Variants in PRKAR2B observed in about 807,000 individuals in gnomAD.
PRKAR2B encodes protein kinase cAMP-dependent type II regulatory subunit beta, also known as cAMP-dependent protein kinase type II-beta regulatory subunit.
A neutral mutation model predicts 49.9 loss-of-function variants in PRKAR2B; 14 were observed. The ratio of observed to expected loss-of-function variants is 0.28; its 90% CI spans 0.19 to 0.44. The LOEUF is 0.44. Ranked by LOEUF, PRKAR2B falls within the 20% of genes least tolerant of loss-of-function variation. The probability of loss-of-function intolerance (pLI) is 1.00; values close to 1 mark genes in which losing one functional copy is unlikely to be tolerated. For missense variants in PRKAR2B, 393 were observed against 537.9 expected (o/e 0.73, Z 2.67); for synonymous variants, 196 against 197.7 (o/e 0.99, Z 0.07).
At chr7:107,088,642 C>G (rs1430027164) in intron 2 of PRKAR2B, among the ~76,000 whole-genome samples, 1 of 152,060 alleles carries the variant, frequency 6.6e-6, no homozygotes, top group East Asian at 1.9e-4. Context: ...CTCTGTTTCC[C>G]AGGCTGGAGT....
chr7:107,133,210 A>G (rs1183517265), intron 4 of PRKAR2B, among the ~76,000 whole-genome samples: 2 of 152,220 alleles, frequency 1.3e-5, no homozygotes, highest in Non-Finnish European at 2.9e-5. Context: ...TGGGGAAATT[A>G]CATTTTGATT....
intron 3 of PRKAR2B, among the ~76,000 whole-genome samples, chr7:107,122,340 A>G (rs1466809766): frequency 6.6e-6 from 1 of 152,244 alleles, no homozygotes; most frequent in Admixed American, 6.5e-5. Flanking sequence ...CTATTAATTT[A>G]TAACAACGGA....
At chr7:107,131,126 G>C (rs920177757) in intron 4 of PRKAR2B, among the ~76,000 whole-genome samples, 24 of 152,190 alleles carry the variant, frequency 1.6e-4, no homozygotes, top group Admixed American at 1.5e-3. Flanking sequence ...TTCAAGTTCA[G>C]TATTTGGTTA....
In PRKAR2B at chr7:107,137,894, A is replaced by G. The variant is rs570262327; in HGVS notation, c.481-2953A>G. On this transcript the variant is annotated intron_variant, in intron 4 of 10. Transcript: ENST00000265717. ...TTTATCTTTAGTGTTCTAAAAATAC[A>G]TTATTTCATCCTAGTGTGGGGATTT... is the stretch of plus-strand genomic sequence containing the variant. 5.9e-5 allele frequency among the ~76,000 whole-genome samples: 9 copies of G among 152,140 alleles called. No homozygotes were observed. The South Asian group carries it at 1.9e-3, about 32-fold the overall frequency.
intron 4 of PRKAR2B, among the ~76,000 whole-genome samples, chr7:107,137,430 G>A (rs1284186392): frequency 3.9e-5 from 6 of 152,138 alleles, no homozygotes; most frequent in African/African-American, 1.4e-4. Context: ...AGAGCTTTTT[G>A]GTGAATGGAT....
At position 107,044,815 on chromosome 7, in the gene PRKAR2B, G is replaced by C; in HGVS notation, c.-93G>C. On this transcript the variant is annotated 5_prime_UTR_variant, in exon 1 of 11. Transcript: ENST00000265717. ...CGCTCGCAGCCGGTAGCGCGCCAGCGCCGTAGGCGCTCGCTCGGCAGCCGC... is the reference window on the plus strand; with the variant it reads ...CGCTCGCAGCCGGTAGCGCGCCAGCCCCGTAGGCGCTCGCTCGGCAGCCGC... The C allele has an allele frequency of 1.9e-6, 2 of 1,062,504 alleles. No individual in the cohort carries two copies. Among genetic ancestry groups the C allele is most frequent in the Non-Finnish European group, 2.4e-6 (2 of 830,664 alleles). 65.8% of individuals were successfully genotyped at this position (1,062,504 alleles called of 1,614,324 possible).
intron 4 of PRKAR2B, among the ~76,000 whole-genome samples, chr7:107,138,624 T>G (rs1795741417): frequency 6.6e-6 from 1 of 151,710 alleles, no homozygotes; most frequent in Admixed American, 6.6e-5. Context: ...CATGGCTCAC[T>G]GCAGCCTCAA....
chr7:107,101,875 C>CTTTTTTTTTTTTTTTTT (rs10589473), intron 2 of PRKAR2B, among the ~76,000 whole-genome samples: 32 of 94,220 alleles, frequency 3.4e-4, no homozygotes, highest in Non-Finnish European at 4.2e-4. Context: ...AGCCCTGATC[C>CTTTTTTTTTTTTTTTTT]TTTTTTTTTT....
chr7:107,152,692 A>G (rs1796011547), intron 7 of PRKAR2B, among the ~76,000 whole-genome samples: 2 of 152,238 alleles, frequency 1.3e-5, no homozygotes, highest in Admixed American at 1.3e-4. Flanking sequence ...CTCCTTTTGA[A>G]TGTCTCTGTT....
intron 3 of PRKAR2B, among the ~76,000 whole-genome samples, chr7:107,126,777 A>G (rs1795503760): frequency 6.6e-6 from 1 of 152,192 alleles, no homozygotes; most frequent in Non-Finnish European, 1.5e-5. Context: ...GGTTTGGTTA[A>G]TACCTGAATT....
At chr7:107,108,372 G>A (rs1311820280) in intron 2 of PRKAR2B, among the ~76,000 whole-genome samples, 1 of 152,176 alleles carries the variant, frequency 6.6e-6, no homozygotes, top group African/African-American at 2.4e-5. Flanking sequence ...AACAAAATAA[G>A]CATTAGAATA....
chr7:107,108,474 A>G (rs1305078520), intron 2 of PRKAR2B, among the ~76,000 whole-genome samples: 1 of 152,228 alleles, frequency 6.6e-6, no homozygotes, highest in Non-Finnish European at 1.5e-5. Flanking sequence ...TGGGACACCC[A>G]AATGATAGGG....
At chr7:107,096,319 A>G (rs999883797) in intron 2 of PRKAR2B, among the ~76,000 whole-genome samples, 5 of 152,130 alleles carry the variant, frequency 3.3e-5, no homozygotes, top group Admixed American at 6.5e-5. Context: ...CTCTGATGGT[A>G]GTTTGTATTT....
intron 5 of PRKAR2B, among the ~76,000 whole-genome samples, chr7:107,142,237 C>T (rs752757443): frequency 5.9e-5 from 9 of 152,262 alleles, no homozygotes; most frequent in South Asian, 2.1e-4. Flanking sequence ...ATCTTTCATG[C>T]GTCAGTCGAG....
intron 2 of PRKAR2B, among the ~76,000 whole-genome samples, chr7:107,092,109 A>G (rs981104028): frequency 1.3e-5 from 2 of 152,134 alleles, no homozygotes; most frequent in Non-Finnish European, 2.9e-5. Flanking sequence ...TAAGGTTTGG[A>G]ATATGTGGGC....
chr7:107,129,421 G>A (rs1459374880), intron 4 of PRKAR2B, among the ~76,000 whole-genome samples: 2 of 152,164 alleles, frequency 1.3e-5, no homozygotes, highest in Non-Finnish European at 2.9e-5. Flanking sequence ...TCCATTGTCT[G>A]AGGGCAGGAA....
intron 1 of PRKAR2B, among the ~76,000 whole-genome samples, chr7:107,060,839 C>T (rs1000008348): frequency 6.6e-6 from 1 of 152,060 alleles, no homozygotes; most frequent in Admixed American, 6.5e-5. Flanking sequence ...TCATCACTAA[C>T]CCAAATTAAA....
At chr7:107,070,096 A>G (rs537808233) in intron 1 of PRKAR2B, 185 bp from the exon 2 acceptor site, 21 of 464,484 alleles carry the variant, frequency 4.5e-5, no homozygotes, top group South Asian at 2.5e-4. Flanking sequence ...ACTGATTTCA[A>G]TTTATATTTA....
intron 2 of PRKAR2B, among the ~76,000 whole-genome samples, chr7:107,073,955 G>A (rs965656637): frequency 3.3e-5 from 5 of 151,930 alleles, no homozygotes; most frequent in African/African-American, 7.3e-5. Context: ...CCAGTTACTC[G>A]GGAGGCTGAG....
Sources: allele counts gnomAD v4.1 joint callset (sites outside exome capture counted in the v4.1 genomes callset), GRCh38; gene constraint gnomAD v4.1.1; transcripts MANE v1.5; gene names NCBI Gene and HGNC (gene_info 2026-07-23, HGNC 2026-07-21).